Variants in SNTB1 observed in about 807,000 individuals in gnomAD.
The protein encoded by SNTB1 is syntrophin beta 1.
A neutral mutation model predicts 48.9 loss-of-function variants in SNTB1; 36 were observed. The observed-to-expected ratio is 0.74, with a 90% CI of 0.56 to 0.97. The LOEUF (loss-of-function observed/expected upper bound fraction) is 0.97, where lower values mean the gene tolerates loss of function less well. Ranked by LOEUF, SNTB1 falls within the 50% of genes least tolerant of loss-of-function variation. The probability of loss-of-function intolerance (pLI) is 0.00; values close to 1 mark genes in which losing one functional copy is unlikely to be tolerated. For synonymous variants in SNTB1, 299 were observed against 294.6 expected, an observed-to-expected ratio of 1.01 and a Z score of -0.15; for missense variants, 786 against 703.4, an observed-to-expected ratio of 1.12 and a Z score of -1.33.
chr8:120,721,914 G>A (rs1176153256), intron 1 of SNTB1, among the ~76,000 whole-genome samples: 1 of 106,500 alleles, frequency 9.4e-6, no homozygotes, highest in Non-Finnish European at 1.8e-5. Context: ...ACATGCCCCA[G>A]TGTGTGATGT....
At chr8:120,700,156 C>T (rs201718944) in intron 1 of SNTB1, among the ~76,000 whole-genome samples, 10,341 of 149,254 alleles carry the variant, frequency 0.069, 390 homozygotes, top group Admixed American at 0.1. Flanking sequence ...AAAAAAATTG[C>T]GTGTGTGTGT....
chr8:120,774,781 G>T (rs1427051910), intron 1 of SNTB1, among the ~76,000 whole-genome samples: 3 of 152,106 alleles, frequency 2.0e-5, no homozygotes, highest in Admixed American at 6.5e-5. Context: ...AACCTCCCAA[G>T]TAGCTGGAAC....
At chr8:120,557,530 A>G (rs1222795863) in intron 4 of SNTB1, among the ~76,000 whole-genome samples, 1 of 152,230 alleles carries the variant, frequency 6.6e-6, no homozygotes, top group African/African-American at 2.4e-5. Context: ...TGGGGAAAAC[A>G]AACTTCTGTT....
At chr8:120,583,004 C>T (rs1188854975) in intron 3 of SNTB1, among the ~76,000 whole-genome samples, 1 of 152,074 alleles carries the variant, frequency 6.6e-6, no homozygotes, top group African/African-American at 2.4e-5. Context: ...GTGTGGTTCT[C>T]TCATCTATAA....
chr8:120,678,372 C>T lies in SNTB1; in HGVS notation c.788+15320G>A, dbSNP rs560960874. 8.5e-5 allele frequency among the ~76,000 whole-genome samples: 13 copies of T among 152,158 alleles called. No homozygotes were observed. In the South Asian group the frequency reaches 2.7e-3, roughly 32 times the overall value. On this transcript the variant is annotated intron_variant, in intron 2 of 6. Transcript: ENST00000517992. The stretch of plus-strand genomic sequence containing the variant: ...TTTGTCATAATGGAAGAATATGGTC[C>T]CTGTAGACCTTGGCCACTTTCTGAG...
At chr8:120,755,693 C>T (rs1338223931) in intron 1 of SNTB1, among the ~76,000 whole-genome samples, 1 of 151,950 alleles carries the variant, frequency 6.6e-6, no homozygotes, top group Non-Finnish European at 1.5e-5. Flanking sequence ...AGGAACTATG[C>T]CAAATGCATT....
At chr8:120,627,285 G>A (rs1032621041) in intron 3 of SNTB1, among the ~76,000 whole-genome samples, 9 of 152,158 alleles carry the variant, frequency 5.9e-5, no homozygotes, top group Non-Finnish European at 7.3e-5. Context: ...AGAGACTGGC[G>A]TATCTAATTA....
Position 120,548,721 on chromosome 8 carries a change from CCCGTAACAATGTGT to C in SNTB1, c.1333+27_1333+40del, listed in dbSNP as rs745498104. ...CCCGGTGGAGTAGAGGGTTCATCTT[CCCGTAACAATGTGT>C]CCTTGGTAGCTCACTGCAGTACTCA... On this transcript the variant is annotated intron_variant, in intron 5 of 6. Transcript: ENST00000517992. The C allele has an allele frequency of 5.3e-5, 84 of 1,587,602 alleles. No individual in the cohort carries two copies. In the East Asian group the frequency reaches 1.8e-3, roughly 35 times the overall value.
At chr8:120,563,773 G>A (rs1455991672) in intron 4 of SNTB1, among the ~76,000 whole-genome samples, 8 of 152,150 alleles carry the variant, frequency 5.3e-5, no homozygotes, top group Non-Finnish European at 1.0e-4. Context: ...ACAGGGAAGA[G>A]AAGGGGACTG....
At chr8:120,634,242 C>T (rs938005344) in intron 2 of SNTB1, among the ~76,000 whole-genome samples, 2 of 152,138 alleles carry the variant, frequency 1.3e-5, no homozygotes, top group African/African-American at 4.8e-5. Context: ...TTCGGAAATT[C>T]AAAGCTCAAT....
At chr8:120,658,781 A>G (rs1817537632) in intron 2 of SNTB1, among the ~76,000 whole-genome samples, 1 of 152,060 alleles carries the variant, frequency 6.6e-6, no homozygotes, top group Non-Finnish European at 1.5e-5. Flanking sequence ...TGGCTGTGTC[A>G]TTTTCTTAAA....
intron 5 of SNTB1, chr8:120,542,229 TTCTAGGA>T (rs2130643463): frequency 2.2e-6 from 1 of 464,544 alleles, no homozygotes; most frequent in South Asian, 3.1e-5. Flanking sequence ...AAATTCCTTT[TTCTAGGA>T]TCTACTGAAT....
chr8:120,541,755 G>T, intron 6 of SNTB1, 55 bp downstream of exon 6: 1 of 1,277,242 alleles, frequency 7.8e-7, no homozygotes. Context: ...GCATTATGTT[G>T]CATAATGAAA....
chr8:120,608,911 G>A (rs980766125), intron 3 of SNTB1, among the ~76,000 whole-genome samples: 3 of 152,112 alleles, frequency 2.0e-5, no homozygotes, highest in Non-Finnish European at 2.9e-5. Flanking sequence ...AGTATTAAAT[G>A]GATTTTTAAA....
At chr8:120,696,480 G>A (rs1282738694) in intron 1 of SNTB1, among the ~76,000 whole-genome samples, 4 of 152,166 alleles carry the variant, frequency 2.6e-5, no homozygotes, top group African/African-American at 9.7e-5. Context: ...TGAATCAGGT[G>A]CTTTACATAT....
Position 120,811,415 on chromosome 8 carries a change from G to A in SNTB1, c.429C>T (p.Phe143=). The part of the protein sequence containing the change: ...NKMPILISKI[F]KGLAADQTQA... ...GGGTCTGGTCCGCCGCCAGCCCCTT[G>A]AAGATCTTGCTGATGAGGATGGGCA... Residue 143 remains phenylalanine (F), a synonymous_variant, in exon 1 of 7, where the codon TTC becomes TTT. Coordinates refer to ENST00000517992, the MANE Select transcript of SNTB1 (RefSeq NM_021021.4). 1 of 1,613,984 alleles carries A rather than the reference G, an allele frequency of 6.2e-7. No individual in the cohort carries two copies.
intron 2 of SNTB1, among the ~76,000 whole-genome samples, chr8:120,648,343 C>A (rs1340787720): frequency 6.6e-6 from 1 of 151,730 alleles, no homozygotes; most frequent in African/African-American, 2.4e-5. Context: ...CCTTCAGGAG[C>A]TCTTGTAAGG....
At chr8:120,802,154 G>A (rs1185741161) in intron 1 of SNTB1, among the ~76,000 whole-genome samples, 2 of 152,090 alleles carry the variant, frequency 1.3e-5, no homozygotes, top group African/African-American at 4.8e-5. Flanking sequence ...CTAAAGTATA[G>A]TGTTGGCTTA....
chr8:120,691,246 G>A (rs1818122563), intron 2 of SNTB1, among the ~76,000 whole-genome samples: 1 of 152,148 alleles, frequency 6.6e-6, no homozygotes, highest in South Asian at 2.1e-4. Context: ...TCTCCCTAGT[G>A]TATGAATTGC....
Sources: gnomAD v4.1 joint callset for allele counts (sites outside exome capture counted in the v4.1 genomes callset) on GRCh38, gnomAD v4.1.1 for gene constraint, MANE v1.5 for transcripts, NCBI Gene and HGNC (gene_info 2026-07-23, HGNC 2026-07-21) for gene names.